CDK5R1: variants seen among roughly 807,000 people sequenced by gnomAD.
CDK5R1 encodes cyclin dependent kinase 5 regulatory subunit 1.
CDK5R1 carries 1 observed loss-of-function variant against 19.0 expected under a neutral mutation model. That is an observed-to-expected ratio of 0.05 (90% CI 0.02 to 0.25). CDK5R1 has a LOEUF of 0.25. CDK5R1 is among the 10% of genes least tolerant of loss of function. The pLI, the probability that CDK5R1 is intolerant of heterozygous loss-of-function variation, is 1.00. For missense variants in CDK5R1, 314 were observed against 401.0 expected, an observed-to-expected ratio of 0.78 and a Z score of 1.85; for synonymous variants, 225 against 187.7, an observed-to-expected ratio of 1.20 and a Z score of -1.62.
Position 32,487,585 on chromosome 17 carries a change from AGG to A in CDK5R1, c.-33_-32del. 2.6e-6 allele frequency: 4 copies of A among 1,558,358 alleles called. No homozygotes were observed. Among genetic ancestry groups the A allele is most frequent in the Non-Finnish European group, 3.5e-6 (4 of 1,145,156 alleles). ...CCTCCGGCCGGCAGGCTGGGCGCGC[AGG>A]GGCGCGAGCCCCCGCCCGGCGCGCA... is the stretch of plus-strand genomic sequence containing the variant. On this transcript the variant is annotated 5_prime_UTR_variant, in exon 2 of 2. Coordinates refer to ENST00000313401, the MANE Select transcript of CDK5R1 (RefSeq NM_003885.3). This position sits in a 1 kb window ranked among gnomAD's most constrained non-coding sequence, Gnocchi z 7.9.
chr17:32,490,116 G>A lies in CDK5R1; in HGVS notation c.*1572G>A, dbSNP rs982111188. The A allele has an allele frequency of 1.0e-4, 17 of 167,160 alleles. No individual in the cohort carries two copies. The highest frequency in any genetic ancestry group is 9.2e-4 in the Admixed American group (14 of 15,290). 10.4% of individuals were successfully genotyped at this position (167,160 alleles called of 1,614,324 possible). ...GGTGGGGAAGAGAGCCTGCCCGGCC[G>A]GAGAACATCTGCCTTGCTGCACCTG... is the stretch of plus-strand genomic sequence containing the variant. On this transcript the variant is annotated 3_prime_UTR_variant, in exon 2 of 2. Transcript: ENST00000313401.
At position 32,488,861 on chromosome 17, in the gene CDK5R1, C is replaced by T. The variant is rs746389078; in HGVS notation, c.*317C>T. 6 of 416,368 alleles carry T rather than the reference C, an allele frequency of 1.4e-5. No homozygotes were observed. The highest frequency in any genetic ancestry group is 1.4e-4 in the Admixed American group (4 of 27,766). 25.8% of individuals were successfully genotyped at this position (416,368 alleles called of 1,614,324 possible). On this transcript the variant is annotated 3_prime_UTR_variant, in exon 2 of 2. Transcript: ENST00000313401. ...GGGTAGGCAAGGCTGCCGGCTGCAC[C>T]CTGTATGGAGCTAGAGAGGGGCCTC...
chr17:32,488,261 C>A lies in CDK5R1; in HGVS notation c.641C>A (p.Ser214Tyr). The A allele has an allele frequency of 6.2e-7, 1 of 1,614,080 alleles. No individual in the cohort carries two copies. Among genetic ancestry groups the A allele is most frequent in the Non-Finnish European group, 8.5e-7 (1 of 1,180,046 alleles). The change falls in exon 2 of 2, where the codon TCC (serine) becomes TAC (tyrosine). Residue 214 changes from serine (S) to tyrosine (Y), a missense_variant. By Grantham distance (144) the Ser-to-Tyr change is moderately radical. Around this residue, in one of 3 missense-constraint regions of CDK5R1, gnomAD observed 106 missense variants for 132.1 expected, o/e 0.80. Transcript: ENST00000313401. Reference protein sequence around the residue: ...LYMLCRDVISSEVGSDHELQA... With the variant: ...LYMLCRDVISYEVGSDHELQA... ...ATGCTCTGCAGGGATGTTATCTCCT[C>A]CGAGGTGGGCTCGGATCACGAGCTC...
rs1370528218 is a variant in CDK5R1 at position 32,487,422 on chromosome 17, G to T, written c.-145-54G>T. On this transcript the variant is annotated intron_variant, in intron 1 of 1. Transcript: ENST00000313401. The surrounding 1 kb of genome is among the most constrained non-coding windows in gnomAD (Gnocchi z 7.9). ...GCGCGGGGCGGAGGGGCGCAGGGGC[G>T]CAGGGGCGCGGCGCGGAGCCCAGCC... is the stretch of plus-strand genomic sequence containing the variant. The T allele has an allele frequency of 2.2e-6, 1 of 453,340 alleles. No homozygotes were observed. The highest frequency in any genetic ancestry group is 3.9e-6 in the Non-Finnish European group (1 of 257,504). The allele number at this position is 453,340 out of a possible 1,614,324, so 28.1% of individuals were successfully genotyped here.
At position 32,491,160 on chromosome 17, in the gene CDK5R1, C is replaced by T. The variant is rs533812185; in HGVS notation, c.*2616C>T. On this transcript the variant is annotated 3_prime_UTR_variant, in exon 2 of 2. Transcript: ENST00000313401. ...TGTGTGGTTTATAATCTGACAAAGT[C>T]ATGAAGCTCAGTTTGGCTGTAATTT... 47 of 167,212 alleles carry T rather than the reference C, an allele frequency of 2.8e-4. No homozygotes were observed. The highest frequency in any genetic ancestry group is 1.0e-3 in the African/African-American group (43 of 41,574). The allele number at this position is 167,212 out of a possible 1,614,324, so 10.4% of individuals were successfully genotyped here.
Position 32,488,999 on chromosome 17 carries a change from G to A in CDK5R1, c.*455G>A, listed in dbSNP as rs1908776989. 1.1e-5 allele frequency: 4 copies of A among 375,794 alleles called. No homozygotes were observed. The highest frequency in any genetic ancestry group is 4.1e-5 in the South Asian group (2 of 48,214). The allele number at this position is 375,794 out of a possible 1,614,324, so 23.3% of individuals were successfully genotyped here. A position where few individuals can be genotyped will look rare whatever the true frequency, so the allele number is the denominator to read the frequency against. On this transcript the variant is annotated 3_prime_UTR_variant, in exon 2 of 2. Transcript: ENST00000313401. Reference sequence around the variant, plus strand: ...TCCTGGAGCCAGCCACCCTAACTGAGCTGCCAGTGGGGTCGTGAGGCAAGA... The same window carrying A: ...TCCTGGAGCCAGCCACCCTAACTGAACTGCCAGTGGGGTCGTGAGGCAAGA...
In CDK5R1 at chr17:32,487,135, G is replaced by C. The variant is rs1432076160; in HGVS notation, c.-173G>C. On this transcript the variant is annotated 5_prime_UTR_variant, in exon 1 of 2. Coordinates refer to ENST00000313401, the MANE Select transcript of CDK5R1 (RefSeq NM_003885.3). The surrounding 1 kb of genome is among the most constrained non-coding windows in gnomAD (Gnocchi z 7.9). ...GGCCGCGGCGCGCATTGCGGAGGGC[G>C]CGGAGCGCAGGAGCTGCCGCCTGCC... 2 of 146,748 alleles carry C rather than the reference G, an allele frequency of 1.4e-5. No homozygotes were observed. The highest frequency in any genetic ancestry group is 4.1e-4 in the South Asian group (2 of 4,874). The allele number at this position is 146,748 out of a possible 1,614,324, so 9.1% of individuals were successfully genotyped here.
chr17:32,491,130 G>C lies in CDK5R1; in HGVS notation c.*2586G>C, dbSNP rs1380546827. On this transcript the variant is annotated 3_prime_UTR_variant, in exon 2 of 2. Transcript: ENST00000313401. ...TTGTATGTATGTGTAGTGTGTTTGT[G>C]AGTATGTGTGGTTTATAATCTGACA... 1 of 167,064 alleles carries C rather than the reference G, an allele frequency of 6.0e-6. No individual in the cohort carries two copies. Among genetic ancestry groups the C allele is most frequent in the Non-Finnish European group, 1.5e-5 (1 of 68,112 alleles). 10.3% of individuals were successfully genotyped at this position (167,064 alleles called of 1,614,324 possible).
rs1908760869 is a variant in CDK5R1 at position 32,488,561 on chromosome 17, C to CA, written c.*18dup. On this transcript the variant is annotated 3_prime_UTR_variant, in exon 2 of 2. Transcript: ENST00000313401. ...GATCGGTGAGCACTGTAGCCTGCGT[C>CA]ATGGCTCAAGGATTCAATGCATTTT... is the stretch of plus-strand genomic sequence containing the variant. The CA allele has an allele frequency of 6.2e-7, 1 of 1,613,926 alleles. No individual in the cohort carries two copies. Among genetic ancestry groups the CA allele is most frequent in the African/African-American group, 1.3e-5 (1 of 74,928 alleles).
Position 32,487,985 on chromosome 17 carries a change from C to G in CDK5R1, c.365C>G (p.Ser122Cys), listed in dbSNP as rs1908737882. 1.2e-6 allele frequency: 2 copies of G among 1,613,068 alleles called. No individual in the cohort carries two copies. Among genetic ancestry groups the G allele is most frequent in the African/African-American group, 1.3e-5 (1 of 74,932 alleles). The change falls in exon 2 of 2, where the codon TCC (serine) becomes TGC (cysteine). Residue 122 changes from serine (S) to cysteine (C), a missense_variant. Ser to Cys is a moderately radical substitution (Grantham distance 112). This residue lies in a region of CDK5R1 where 197 missense variants were observed against 230.2 expected (regional missense o/e 0.86). Transcript: ENST00000313401. This position sits in a 1 kb window ranked among gnomAD's most constrained non-coding sequence, Gnocchi z 7.9. ...SQLSGSQTGG[S>C]SSVKKAPHPA... ...CTCTCGGGTTCCCAGACCGGGGGCT[C>G]CTCCTCAGTCAAGAAAGCCCCTCAC... is the stretch of plus-strand genomic sequence containing the variant.
Position 32,490,610 on chromosome 17 carries a change from G to T in CDK5R1, c.*2066G>T, listed in dbSNP as rs1404040027. The T allele has an allele frequency of 6.0e-6, 1 of 167,018 alleles. No homozygotes were observed. Among genetic ancestry groups the T allele is most frequent in the Non-Finnish European group, 1.5e-5 (1 of 68,108 alleles). The allele number at this position is 167,018 out of a possible 1,614,324, so 10.3% of individuals were successfully genotyped here. On this transcript the variant is annotated 3_prime_UTR_variant, in exon 2 of 2. Coordinates refer to ENST00000313401, the MANE Select transcript of CDK5R1 (RefSeq NM_003885.3). ...GTGTAAAGGAACAACTGATATACTT[G>T]AGTGTGCAAGCAAAGAACCCATTTG...
Position 32,487,800 on chromosome 17 carries a change from C to G in CDK5R1, c.180C>G (p.Ala60=). The change falls in exon 2 of 2, where the codon GCC becomes GCG. Residue 60 remains alanine, a synonymous_variant. Coordinates refer to ENST00000313401, the MANE Select transcript of CDK5R1 (RefSeq NM_003885.3). This position sits in a 1 kb window ranked among gnomAD's most constrained non-coding sequence, Gnocchi z 7.9. ...LPWKRIVAVS[A]KKKNSKKVQP... ...GGAAGAGAATCGTGGCCGTGTCGGC[C>G]AAGAAGAAGAACTCCAAGAAGGTGC... is the stretch of plus-strand genomic sequence containing the variant. The G allele has an allele frequency of 6.2e-7, 1 of 1,614,046 alleles. No individual in the cohort carries two copies. Among genetic ancestry groups the G allele is most frequent in the Non-Finnish European group, 8.5e-7 (1 of 1,180,000 alleles).
chr17:32,487,990 T>A lies in CDK5R1; in HGVS notation c.370T>A (p.Ser124Thr), dbSNP rs1365754856. 1 of 1,612,962 alleles carries A rather than the reference T, an allele frequency of 6.2e-7. No homozygotes were observed. The highest frequency in any genetic ancestry group is 1.7e-5 in the Admixed American group (1 of 59,988). ...LSGSQTGGSS[S>T]VKKAPHPAVT... ...GGGTTCCCAGACCGGGGGCTCCTCCTCAGTCAAGAAAGCCCCTCACCCTGC... is the reference window on the plus strand; with the variant it reads ...GGGTTCCCAGACCGGGGGCTCCTCCACAGTCAAGAAAGCCCCTCACCCTGC... Residue 124 changes from serine to threonine, a missense_variant, in exon 2 of 2, where the codon TCA becomes ACA. By Grantham distance (58) the Ser-to-Thr change is moderately conservative. Coordinates refer to ENST00000313401, the MANE Select transcript of CDK5R1 (RefSeq NM_003885.3). The surrounding 1 kb of genome is among the most constrained non-coding windows in gnomAD (Gnocchi z 7.9).
chr17:32,489,440 GGT>G lies in CDK5R1; in HGVS notation c.*898_*899del. Reference sequence around the variant, plus strand: ...GGATGCCATACCTTGAGACCAAGCCGGTGCCCACCTAAGGGCTAAGGCCTCTT... The same window carrying G: ...GGATGCCATACCTTGAGACCAAGCCGGCCCACCTAAGGGCTAAGGCCTCTT... On this transcript the variant is annotated 3_prime_UTR_variant, in exon 2 of 2. Transcript: ENST00000313401. 2.6e-6 allele frequency: 1 copy of G among 388,066 alleles called. No individual in the cohort carries two copies. The highest frequency in any genetic ancestry group is 2.0e-5 in the South Asian group (1 of 50,950). The allele number at this position is 388,066 out of a possible 1,614,324, so 24.0% of individuals were successfully genotyped here.
In CDK5R1 at chr17:32,488,900, C is replaced by T. The variant is rs1908773505; in HGVS notation, c.*356C>T. 2.6e-6 allele frequency: 1 copy of T among 384,000 alleles called. No homozygotes were observed. Among genetic ancestry groups the T allele is most frequent in the African/African-American group, 2.1e-5 (1 of 47,420 alleles). The allele number at this position is 384,000 out of a possible 1,614,324, so 23.8% of individuals were successfully genotyped here. A position where few individuals can be genotyped will look rare whatever the true frequency, so the allele number is the denominator to read the frequency against. On this transcript the variant is annotated 3_prime_UTR_variant, in exon 2 of 2. Transcript: ENST00000313401. ...GAGAGGGGCCTCTGGCTGCCTGGCCCAGGGAGGAATTGGGGTTTCTGGTTG... is the reference window on the plus strand; with the variant it reads ...GAGAGGGGCCTCTGGCTGCCTGGCCTAGGGAGGAATTGGGGTTTCTGGTTG...
In CDK5R1 at chr17:32,488,387, C is replaced by T. The variant is rs199565053; in HGVS notation, c.767C>T (p.Ala256Val). 1.9e-4 allele frequency: 314 copies of T among 1,613,968 alleles called. 2 individuals are homozygous for T. Among genetic ancestry groups the T allele is most frequent in the Non-Finnish European group, 2.3e-5 (27 of 1,180,032 alleles). The change falls in exon 2 of 2, where the codon GCC becomes GTC. Residue 256 changes from alanine (A) to valine (V), a missense_variant. Transcript: ENST00000313401. ...KPFLVESCKE[A>V]FWDRCLSVIN... The stretch of plus-strand genomic sequence containing the variant: ...TTCCTGGTGGAGAGCTGCAAGGAGG[C>T]CTTTTGGGACCGTTGCCTCTCTGTC...
Position 32,488,258 on chromosome 17 carries a change from C to A in CDK5R1, c.638C>A (p.Ser213Tyr). ...TACATGCTCTGCAGGGATGTTATCTCCTCCGAGGTGGGCTCGGATCACGAG... is the reference window on the plus strand; with the variant it reads ...TACATGCTCTGCAGGGATGTTATCTACTCCGAGGTGGGCTCGGATCACGAG... ...FLYMLCRDVI[S>Y]SEVGSDHELQ... Residue 213 changes from serine (S) to tyrosine (Y), a missense_variant, in exon 2 of 2, where the codon TCC (serine) becomes TAC (tyrosine). Ser to Tyr is a moderately radical substitution (Grantham distance 144). This residue lies in a region of CDK5R1 where 106 missense variants were observed against 132.1 expected (regional missense o/e 0.80). Transcript: ENST00000313401. The A allele has an allele frequency of 6.2e-7, 1 of 1,614,072 alleles. No individual in the cohort carries two copies. Among genetic ancestry groups the A allele is most frequent in the Non-Finnish European group, 8.5e-7 (1 of 1,180,042 alleles).
rs146397683 is a variant in CDK5R1 at position 32,487,791 on chromosome 17, C to T, written c.171C>T (p.Ala57=). The T allele has an allele frequency of 6.1e-5, 98 of 1,614,006 alleles. No individual in the cohort carries two copies. The African/African-American group carries it at 1.2e-3, about 20-fold the overall frequency. The change falls in exon 2 of 2, where the codon GCC becomes GCT. Residue 57 remains alanine (A), a synonymous_variant. Transcript: ENST00000313401. The surrounding 1 kb of genome is among the most constrained non-coding windows in gnomAD (Gnocchi z 7.9). ...TGCTGCCTTGGAAGAGAATCGTGGCCGTGTCGGCCAAGAAGAAGAACTCCA... is the reference window on the plus strand; with the variant it reads ...TGCTGCCTTGGAAGAGAATCGTGGCTGTGTCGGCCAAGAAGAAGAACTCCA... ...ISVLPWKRIV[A]VSAKKKNSKK... is the part of the protein sequence containing the mutation.
chr17:32,489,456 C>T lies in CDK5R1; in HGVS notation c.*912C>T. On this transcript the variant is annotated 3_prime_UTR_variant, in exon 2 of 2. Coordinates refer to ENST00000313401, the MANE Select transcript of CDK5R1 (RefSeq NM_003885.3). ...GACCAAGCCGGTGCCCACCTAAGGG[C>T]TAAGGCCTCTTGCTGGTGCACATGA... is the stretch of plus-strand genomic sequence containing the variant. The T allele has an allele frequency of 2.7e-6, 1 of 373,730 alleles. No individual in the cohort carries two copies. The highest frequency in any genetic ancestry group is 5.5e-6 in the Non-Finnish European group (1 of 180,372). The allele number at this position is 373,730 out of a possible 1,614,324, so 23.2% of individuals were successfully genotyped here.
Sources: gnomAD v4.1 joint callset for allele counts on GRCh38, gnomAD v4.1.1 for gene constraint, gnomAD v4.1.1 regional missense constraint, Gnocchi (gnomAD v3.1) non-coding constraint, MANE v1.5 for transcripts, NCBI Gene and HGNC (gene_info 2026-07-23, HGNC 2026-07-21) for gene names.